The following THRB variants were observed in gnomAD, a reference collection of about 807,000 sequenced individuals.
The protein encoded by THRB is nuclear receptor subfamily 1 group A member 2.
In THRB, 12 loss-of-function variants were observed where a neutral mutation model predicts 47.8. That is an observed-to-expected ratio of 0.25 (90% CI 0.16 to 0.41). The LOEUF is 0.41. THRB is among the 10% of genes least tolerant of loss of function. THRB has a pLI of 1.00. For synonymous variants in THRB, 218 were observed against 212.2 expected (o/e 1.03, Z -0.24); for missense variants, 348 against 589.2 (o/e 0.59, Z 4.24).
At chr3:24,402,499 C>CCTT (rs377472819) in intron 1 of THRB, among the ~76,000 whole-genome samples, 2 of 134,814 alleles carry the variant, frequency 1.5e-5, no homozygotes, top group South Asian at 2.4e-4. Context: ...TTCTTTCTTC[C>CCTT]TTTTTTTTTT....
intron 5 of THRB, among the ~76,000 whole-genome samples, chr3:24,167,817 AAGG>A (rs1559498199): frequency 1.3e-5 from 2 of 152,130 alleles, no homozygotes; most frequent in South Asian, 2.1e-4. Context: ...TTTTATTCCA[AAGG>A]AATACTTAAA....
At chr3:24,270,286 A>C (rs1292189312) in intron 3 of THRB, among the ~76,000 whole-genome samples, 1 of 152,204 alleles carries the variant, frequency 6.6e-6, no homozygotes, top group Non-Finnish European at 1.5e-5. Context: ...CAATTTTATT[A>C]ATCTTTAAAC....
At chr3:24,190,959 A>T (rs1392683677) in intron 4 of THRB, among the ~76,000 whole-genome samples, 1 of 152,174 alleles carries the variant, frequency 6.6e-6, no homozygotes, top group Non-Finnish European at 1.5e-5. Context: ...AGTTGGCAAT[A>T]AGAACCGATG....
intron 1 of THRB, among the ~76,000 whole-genome samples, chr3:24,366,251 A>G (rs1295963678): frequency 6.6e-6 from 1 of 152,172 alleles, no homozygotes; most frequent in Non-Finnish European, 1.5e-5. Context: ...CCTATATAAC[A>G]AGCATTCTCT....
chr3:24,174,554 T>G (rs945325653), intron 5 of THRB, among the ~76,000 whole-genome samples: 3 of 152,166 alleles, frequency 2.0e-5, no homozygotes, highest in Non-Finnish European at 4.4e-5. Flanking sequence ...CAATCCTAGC[T>G]TGCAATAATC....
intron 1 of THRB, among the ~76,000 whole-genome samples, chr3:24,445,030 G>A (rs1054048030): frequency 6.6e-6 from 1 of 151,922 alleles, no homozygotes; most frequent in Non-Finnish European, 1.5e-5. Context: ...AATTATAATG[G>A]GATATATAAA....
intron 1 of THRB, among the ~76,000 whole-genome samples, chr3:24,479,769 G>C: frequency 6.6e-6 from 1 of 152,164 alleles, no homozygotes; most frequent in East Asian, 1.9e-4. Flanking sequence ...CCTGCTGGTA[G>C]ATGCTGCTGG....
At chr3:24,330,573 G>A (rs924811013) in intron 2 of THRB, among the ~76,000 whole-genome samples, 1 of 152,166 alleles carries the variant, frequency 6.6e-6, no homozygotes, top group Admixed American at 6.5e-5. Context: ...CTGTTTTACA[G>A]TTGGTGTGTG....
At chr3:24,357,455 T>G (rs2063770509) in intron 1 of THRB, among the ~76,000 whole-genome samples, 1 of 150,584 alleles carries the variant, frequency 6.6e-6, no homozygotes, top group African/African-American at 2.4e-5. Context: ...TAAAAAAATT[T>G]AAAAAGTTCA....
intron 3 of THRB, among the ~76,000 whole-genome samples, chr3:24,288,178 A>G (rs1385401191): frequency 6.6e-6 from 1 of 152,252 alleles, no homozygotes; most frequent in Admixed American, 6.5e-5. Flanking sequence ...CCAAGGTAGT[A>G]AAAGGAAGGC....
intron 3 of THRB, among the ~76,000 whole-genome samples, chr3:24,258,205 A>G (rs2051521564): frequency 6.6e-6 from 1 of 152,202 alleles, no homozygotes; most frequent in African/African-American, 2.4e-5. Flanking sequence ...GAAAAGTTAA[A>G]AAGGGCACCC....
intron 2 of THRB, among the ~76,000 whole-genome samples, chr3:24,335,558 T>C (rs529377980): frequency 6.6e-6 from 1 of 152,292 alleles, no homozygotes; most frequent in South Asian, 2.1e-4. Context: ...TTATATAAAG[T>C]AAAATGCACA....
At chr3:24,203,349 G>A (rs759312539) in intron 4 of THRB, among the ~76,000 whole-genome samples, 1 of 152,178 alleles carries the variant, frequency 6.6e-6, no homozygotes, top group Non-Finnish European at 1.5e-5. Flanking sequence ...GGGAGGTGGA[G>A]GTTGCAGTGA....
At chr3:24,449,367 C>G (rs1489324482) in intron 1 of THRB, among the ~76,000 whole-genome samples, 3 of 152,124 alleles carry the variant, frequency 2.0e-5, no homozygotes, top group Admixed American at 6.6e-5. Context: ...ATCAACTATC[C>G]TCAGGCAGGT....
intron 3 of THRB, among the ~76,000 whole-genome samples, chr3:24,277,715 A>C (rs1334368861): frequency 6.6e-6 from 1 of 152,190 alleles, no homozygotes; most frequent in Non-Finnish European, 1.5e-5. Context: ...AATATGTAGA[A>C]TTAAGCTAGT....
rs567661530 is a variant in THRB at position 24,336,905 on chromosome 3, G to A, written c.-189+395C>T. On this transcript the variant is annotated intron_variant, in intron 2 of 10. Transcript: ENST00000646209. Reference sequence around the variant, plus strand: ...CCTGGCTAATTTTTTGTATTTTTTAGTAGAGACAGGGTTTCACCATGTTAG... The same window carrying A: ...CCTGGCTAATTTTTTGTATTTTTTAATAGAGACAGGGTTTCACCATGTTAG... Among the ~76,000 whole-genome samples, 10 of 152,022 alleles carry A rather than the reference G, an allele frequency of 6.6e-5. 1 individual carries two copies. The highest frequency in any genetic ancestry group is 4.6e-4 in the Admixed American group (7 of 15,262).
Position 24,412,031 on chromosome 3 carries a change from G to A in THRB, c.-260-74660C>T, listed in dbSNP as rs149011148. Reference sequence around the variant, plus strand: ...TAGCAATGAATTTGGAGATAGGATAGGTGCAGGAGAGGGAAAGATATAAAC... The same window carrying A: ...TAGCAATGAATTTGGAGATAGGATAAGTGCAGGAGAGGGAAAGATATAAAC... On this transcript the variant is annotated intron_variant, in intron 1 of 10. Transcript: ENST00000646209. Among the ~76,000 whole-genome samples, 537 of 151,848 alleles carry A rather than the reference G, an allele frequency of 3.5e-3. 6 individuals carry two copies. Among genetic ancestry groups the A allele is most frequent in the African/African-American group, 0.012 (494 of 41,484 alleles).
chr3:24,419,552 A>C (rs1269803708), intron 1 of THRB, among the ~76,000 whole-genome samples: 1 of 151,906 alleles, frequency 6.6e-6, no homozygotes, highest in African/African-American at 2.4e-5. Context: ...AGAGAAGCCA[A>C]ATGACTTAGC....
intron 5 of THRB, among the ~76,000 whole-genome samples, chr3:24,169,509 C>T (rs1005502202): frequency 2.0e-5 from 3 of 151,768 alleles, no homozygotes; most frequent in Non-Finnish European, 2.9e-5. Context: ...CTTTTTTTCT[C>T]GAGACAGAAA....
Sources: allele counts gnomAD v4.1 joint callset (sites outside exome capture counted in the v4.1 genomes callset), GRCh38; gene constraint gnomAD v4.1.1; transcripts MANE v1.5; gene names NCBI Gene and HGNC (gene_info 2026-07-23, HGNC 2026-07-21).